BTG4: variants seen among roughly 807,000 people sequenced by gnomAD.
BTG4 encodes the protein BTG anti-proliferation factor 4.
Under a neutral mutation model 19.3 loss-of-function variants are expected in BTG4, and 10 were observed. The observed-to-expected ratio is 0.52, with a 90% CI of 0.32 to 0.88. The LOEUF is 0.88. Among genes scored for constraint, BTG4 ranks in the 40% least tolerant of loss-of-function variants. BTG4 has a pLI of 0.04. For synonymous variants in BTG4, 91 were observed against 95.7 expected (o/e 0.95, Z 0.29); for missense variants, 238 against 281.9 (o/e 0.84, Z 1.11).
the BTG4 span, chr11:111,453,355 T>A: frequency 4.8e-6 from 2 of 413,514 alleles, no homozygotes; most frequent in South Asian, 3.5e-5. Context: ...TCAGGAAGGA[T>A]GCTGCTCCCT....
At chr11:111,419,598 C>A in the BTG4 span, among the ~76,000 whole-genome samples, 43 of 152,216 alleles carry the variant, frequency 2.8e-4, no homozygotes, top group Non-Finnish European at 1.8e-4. Flanking sequence ...ACCACTGGCT[C>A]GCTTCCCAAG....
the BTG4 span, chr11:111,451,155 G>T: frequency 1.2e-5 from 3 of 260,026 alleles, no homozygotes; most frequent in South Asian, 1.2e-4. Flanking sequence ...AGAGACCACA[G>T]CCCCATCATC....
the BTG4 span, chr11:111,418,030 G>A: frequency 3.3e-5 from 5 of 152,180 alleles, no homozygotes; most frequent in Admixed American, 3.3e-4. Flanking sequence ...CACTGGCTGT[G>A]TTCCTGTTGT....
At chr11:111,404,686 C>T in the BTG4 span, 1 of 456,142 alleles carries the variant, frequency 2.2e-6, no homozygotes, top group Non-Finnish European at 4.4e-6. Flanking sequence ...GCAGGAGCTG[C>T]TGGGTGAAGA....
the BTG4 span, chr11:111,416,715 G>A: frequency 2.0e-5 from 3 of 152,200 alleles, no homozygotes; most frequent in Non-Finnish European, 2.9e-5. Context: ...CCCTGTCACC[G>A]TGAGAAAGCG....
the BTG4 span, among the ~76,000 whole-genome samples, chr11:111,444,632 A>G: frequency 6.6e-6 from 1 of 152,218 alleles, no homozygotes; most frequent in Non-Finnish European, 1.5e-5. Flanking sequence ...CTCAAAGGAT[A>G]TGTTTTTTGA....
chr11:111,487,247 G>A (rs1243298447), intron 5 of BTG4, among the ~76,000 whole-genome samples: 3 of 152,164 alleles, frequency 2.0e-5, no homozygotes, highest in African/African-American at 4.8e-5. Flanking sequence ...TTGGCTCCAT[G>A]TCTTTGCCAT....
At chr11:111,430,675 C>G in the BTG4 span, among the ~76,000 whole-genome samples, 1 of 152,186 alleles carries the variant, frequency 6.6e-6, no homozygotes, top group Admixed American at 6.5e-5. Context: ...ATTTATTTTC[C>G]TGTGTCAAAC....
chr11:111,461,210 A>G, the BTG4 span, among the ~76,000 whole-genome samples: 4 of 152,192 alleles, frequency 2.6e-5, no homozygotes, highest in Admixed American at 2.6e-4. Context: ...GATAAAAGGT[A>G]TGTGATAAAT....
chr11:111,467,630 C>T lies in BTG4; in HGVS notation c.*42G>A, dbSNP rs191144936. The stretch of plus-strand genomic sequence containing the variant: ...GCCCAAGGCAGTGCCTTCCAAGGTG[C>T]CTTCTTCTACCAGGTGCTGCAAATT... On this transcript the variant is annotated 3_prime_UTR_variant, in exon 6 of 6. Coordinates refer to the BTG4 transcript ENST00000356018. 284 of 761,592 alleles carry T rather than the reference C, an allele frequency of 3.7e-4. 2 individuals are homozygous for T. In the African/African-American group the frequency reaches 4.0e-3, roughly 11 times the overall value. 47.2% of individuals were successfully genotyped at this position (761,592 alleles called of 1,614,324 possible).
At chr11:111,478,628 TAA>T (rs1864541162) in intron 5 of BTG4, among the ~76,000 whole-genome samples, 1 of 151,946 alleles carries the variant, frequency 6.6e-6, no homozygotes, top group South Asian at 2.1e-4. Flanking sequence ...ACAAATGAGA[TAA>T]GTCTCAGCAA....
intron 5 of BTG4, among the ~76,000 whole-genome samples, chr11:111,486,604 G>A (rs1323117758): frequency 6.6e-6 from 1 of 152,080 alleles, no homozygotes; most frequent in African/African-American, 2.4e-5. Context: ...CTACAGGCCA[G>A]TATCTCTGAT....
At chr11:111,465,172 A>C (rs946726432), downstream of BTG4, among the ~76,000 whole-genome samples, 3 of 152,176 alleles carry the variant, frequency 2.0e-5, no homozygotes, top group Non-Finnish European at 4.4e-5. Flanking sequence ...GGTCCGTTTC[A>C]ACTCACACAC....
At position 111,476,310 on chromosome 11, in the gene BTG4, C is replaced by T. The variant is rs796740855; in HGVS notation, c.663-8629G>A. On this transcript the variant is annotated intron_variant, in intron 5 of 5. Coordinates refer to the BTG4 transcript ENST00000356018. ...AATTCAGTGTCCATCTGGTATTCAACATTTTTAGCTCTGTAGGTCTTTTGT... is the reference window on the plus strand; with the variant it reads ...AATTCAGTGTCCATCTGGTATTCAATATTTTTAGCTCTGTAGGTCTTTTGT... Among the ~76,000 whole-genome samples, 12 of 152,246 alleles carry T rather than the reference C, an allele frequency of 7.9e-5. 1 individual carries two copies. Among genetic ancestry groups the T allele is most frequent in the Admixed American group, 2.0e-4 (3 of 15,292 alleles).
At chr11:111,442,211 C>T in the BTG4 span, among the ~76,000 whole-genome samples, 4 of 151,640 alleles carry the variant, frequency 2.6e-5, no homozygotes, top group Non-Finnish European at 4.4e-5. Context: ...AGGAAATATA[C>T]GAGATGAGAT....
intron 5 of BTG4, among the ~76,000 whole-genome samples, chr11:111,477,669 T>C (rs1864475351): frequency 6.6e-6 from 1 of 152,058 alleles, no homozygotes; most frequent in Admixed American, 6.6e-5. Context: ...GGAGGTGAGT[T>C]CTAAAGATTT....
Position 111,486,428 on chromosome 11 carries a change from C to A in BTG4, c.662+8735G>T, listed in dbSNP as rs569290136. ...CTCCAGCCTAGGTGATAGAGTAAGA[C>A]CCTGCCTCCAAATAAATAAATAAAT... On this transcript the variant is annotated intron_variant, in intron 5 of 5. Coordinates refer to the BTG4 transcript ENST00000356018. Among the ~76,000 whole-genome samples, 18 of 152,194 alleles carry A rather than the reference C, an allele frequency of 1.2e-4. 2 individuals are homozygous for A. In the South Asian group the frequency reaches 3.7e-3, roughly 32 times the overall value.
upstream of BTG4, chr11:111,513,168 G>A (rs1408009878): frequency 1.8e-5 from 7 of 379,282 alleles, no homozygotes; most frequent in Non-Finnish European, 3.3e-5. Context: ...GAAACCCGCG[G>A]TTTCTCCAGA....
downstream of BTG4, among the ~76,000 whole-genome samples, chr11:111,492,031 C>A (rs1488407902): frequency 6.6e-6 from 1 of 152,126 alleles, no homozygotes; most frequent in Non-Finnish European, 1.5e-5. Context: ...TGCCTCTGAG[C>A]CAAACCCTAG....
Sources: gnomAD v4.1 joint callset for allele counts (sites outside exome capture counted in the v4.1 genomes callset) on GRCh38, gnomAD v4.1.1 for gene constraint, MANE v1.5 for transcripts, NCBI Gene and HGNC (gene_info 2026-07-23, HGNC 2026-07-21) for gene names.